Variants in RNF213 observed in about 807,000 individuals in gnomAD.
RNF213 encodes ring finger protein 213, also known as E3 ubiquitin-protein ligase RNF213.
Under a neutral mutation model 514.4 loss-of-function variants are expected in RNF213, and 341 were observed. That is an observed-to-expected ratio of 0.66 (90% confidence interval 0.61 to 0.73). RNF213 has a LOEUF of 0.73. Among genes scored for constraint, RNF213 ranks in the 30% least tolerant of loss-of-function variants. The pLI is 0.00. For synonymous variants in RNF213, 2,655 were observed against 2,658.2 expected, an observed-to-expected ratio of 1.00 and a Z score of 0.04; for missense variants, 5,767 against 6,615.6, an observed-to-expected ratio of 0.87 and a Z score of 4.45.
Position 80,295,566 on chromosome 17 carries a change from T to C in RNF213, c.1765T>C (p.Tyr589His), listed in dbSNP as rs1447875344. 3.7e-6 allele frequency: 6 copies of C among 1,614,034 alleles called. No homozygotes were observed. Among genetic ancestry groups the C allele is most frequent in the African/African-American group, 2.7e-5 (2 of 74,932 alleles). The change falls in exon 10 of 68, where the codon TAC becomes CAC. Residue 589 changes from tyrosine (Y) to histidine (H), a missense_variant. Transcript: ENST00000582970. ...LQYREKEVKR[Y>H]LWQHLKKHVV... Reference sequence around the variant, plus strand: ...CTTCTCCCACCATCAGGTGAAGAGATACCTGTGGCAACATCTGAAAAAACA... The same window carrying C: ...CTTCTCCCACCATCAGGTGAAGAGACACCTGTGGCAACATCTGAAAAAACA...
intron 36 of RNF213, among the ~76,000 whole-genome samples, chr17:80,356,988 T>C (rs1030271950): frequency 5.3e-5 from 8 of 151,986 alleles, no homozygotes; most frequent in African/African-American, 1.4e-4. Flanking sequence ...GGCGCGATTT[T>C]GGCTCACTGC....
chr17:80,328,109 A>G, intron 19 of RNF213, 120 bp downstream of exon 19: 2 of 1,250,870 alleles, frequency 1.6e-6, no homozygotes, highest in Non-Finnish European at 2.2e-6. Context: ...GATAATGAGT[A>G]TCTCTTCTTG....
chr17:80,349,756 T>G lies in RNF213; in HGVS notation c.9952-14T>G, dbSNP rs755445323. ...TGAAGTCTGGCAAGTAATTTGCATTTCTTAACTCTGTAGATCACCACTTTC... is the reference window on the plus strand; with the variant it reads ...TGAAGTCTGGCAAGTAATTTGCATTGCTTAACTCTGTAGATCACCACTTTC... On this transcript the variant is annotated splice_polypyrimidine_tract_variant and intron_variant, in intron 29 of 67. Transcript: ENST00000582970. The G allele has an allele frequency of 1.2e-6, 2 of 1,614,046 alleles. No homozygotes were observed. The highest frequency in any genetic ancestry group is 1.1e-5 in the South Asian group (1 of 91,080).
At position 80,385,170 on chromosome 17, in the gene RNF213, A is replaced by G; in HGVS notation, c.14454A>G (p.Ser4818=). The G allele has an allele frequency of 6.2e-7, 1 of 1,614,140 alleles. No homozygotes were observed. Among genetic ancestry groups the G allele is most frequent in the Non-Finnish European group, 8.5e-7 (1 of 1,180,002 alleles). ...SIRGFLSKHS[S]DGLRQLLHNR... ...GAGGCTTCCTCAGCAAGCACAGCTC[A>G]GGTGTGGCTCTGCTCTGACAGGACC... The change falls in exon 60 of 68, where the codon TCA becomes TCG. Residue 4818 remains serine, a splice_region_variant and synonymous_variant. Coordinates refer to ENST00000582970, the MANE Select transcript of RNF213 (RefSeq NM_001256071.3).
In RNF213 at chr17:80,339,353, G is replaced by A; in HGVS notation, c.4986G>A (p.Glu1662=). The change falls in exon 26 of 68, where the codon GAG becomes GAA. Residue 1662 remains glutamate (E), a synonymous_variant. Transcript: ENST00000582970. ...ACTTTGGCTTGGACCTGGTGACGGAGCTTAAAGAAGGTGGAGATGTCACTG... is the reference window on the plus strand; with the variant it reads ...ACTTTGGCTTGGACCTGGTGACGGAACTTAAAGAAGGTGGAGATGTCACTG... The part of the protein sequence containing the change: ...QMDFGLDLVT[E]LKEGGDVTEL... The A allele has an allele frequency of 1.3e-6, 2 of 1,537,276 alleles. No homozygotes were observed. The highest frequency in any genetic ancestry group is 1.7e-6 in the Non-Finnish European group (2 of 1,146,916).
In RNF213 at chr17:80,353,667, G is replaced by A; in HGVS notation, c.10578+1G>A. ...AACCTCTGAACTCGGAGGCAGTGAT[G>A]TAAGTTCTGGTTCTTGGGACCTCCC... On this transcript the variant is annotated splice_donor_variant, in intron 34 of 67. Transcript: ENST00000582970. LOFTEE classifies it high-confidence loss of function. This position sits in a 1 kb window ranked among gnomAD's most constrained non-coding sequence, Gnocchi z 5.0. 1 of 1,614,218 alleles carries A rather than the reference G, an allele frequency of 6.2e-7. No homozygotes were observed. The highest frequency in any genetic ancestry group is 8.5e-7 in the Non-Finnish European group (1 of 1,180,044).
At chr17:80,313,667 GGAGGTA>G (rs2045666639) in intron 15 of RNF213, among the ~76,000 whole-genome samples, 2 of 150,834 alleles carry the variant, frequency 1.3e-5, no homozygotes, top group African/African-American at 4.9e-5. Flanking sequence ...AGGTGATGGT[GGAGGTA>G]ATGGAGGTGA....
At chr17:80,379,991 C>T (rs1056370871) in intron 55 of RNF213, among the ~76,000 whole-genome samples, 1 of 152,092 alleles carries the variant, frequency 6.6e-6, no homozygotes, top group Non-Finnish European at 1.5e-5. Flanking sequence ...CTTGGGTGCA[C>T]CTTCTGTAGA....
chr17:80,364,892 G>C, intron 42 of RNF213: 2 of 345,760 alleles, frequency 5.8e-6, no homozygotes, highest in South Asian at 4.9e-5. Flanking sequence ...CACTAGCCTG[G>C]CCATCTGTGG....
chr17:80,380,844 A>G lies in RNF213; in HGVS notation c.13654A>G (p.Arg4552Gly). 6.2e-7 allele frequency: 1 copy of G among 1,614,262 alleles called. No homozygotes were observed. The highest frequency in any genetic ancestry group is 8.5e-7 in the Non-Finnish European group (1 of 1,180,046). ...CGTTCTTTCCAGAGACAAGGCAGAC[A>G]GAACGCAGACCGGCCACGTGCTGGG... Reference protein sequence around the residue: ...GFHLVKDKADRTQTGHVLGNP... With the variant: ...GFHLVKDKADGTQTGHVLGNP... The change falls in exon 56 of 68, where the codon AGA becomes GGA. Residue 4552 changes from arginine to glycine, a missense_variant. By Grantham distance (125) the Arg-to-Gly change is moderately radical (BLOSUM62 -2). Transcript: ENST00000582970.
At chr17:80,319,467 G>A (rs926570634) in intron 17 of RNF213, 155 bp downstream of exon 17, 1 of 1,614,176 alleles carries the variant, frequency 6.2e-7, no homozygotes, top group Non-Finnish European at 8.5e-7. Context: ...AAGGGCAATG[G>A]CGCTGAAATC....
At chr17:80,311,444 T>G (rs2045568910) in intron 14 of RNF213, among the ~76,000 whole-genome samples, 3 of 152,166 alleles carry the variant, frequency 2.0e-5, no homozygotes, top group Admixed American at 2.0e-4. Context: ...GCTGTGCCAT[T>G]GGGGGGACCT....
In RNF213 at chr17:80,346,195, C is replaced by T. The variant is rs375141596; in HGVS notation, c.7860C>T (p.Cys2620=). 23 of 1,614,042 alleles carry T rather than the reference C, an allele frequency of 1.4e-5. No homozygotes were observed. Among genetic ancestry groups the T allele is most frequent in the African/African-American group, 2.7e-5 (2 of 74,920 alleles). The change falls in exon 29 of 68, where the codon TGC becomes TGT. Residue 2620 remains cysteine (C), a synonymous_variant. Transcript: ENST00000582970. The surrounding 1 kb of genome is among the most constrained non-coding windows in gnomAD (Gnocchi z 8.1). ...NGTRVITEVL[C]ASQGFMRKTE... ...CTCGCGTGATCACAGAAGTCCTCTG[C>T]GCCTCTCAGGGTTTCATGAGGAAAA...
intron 3 of RNF213, among the ~76,000 whole-genome samples, chr17:80,282,719 C>G: frequency 6.7e-6 from 1 of 149,070 alleles, no homozygotes; most frequent in Non-Finnish European, 1.5e-5. Flanking sequence ...TTTTTCAAGG[C>G]AGAGTGTTGC....
intron 16 of RNF213, among the ~76,000 whole-genome samples, chr17:80,318,714 C>T (rs1374163185): frequency 6.6e-6 from 1 of 152,120 alleles, no homozygotes; most frequent in African/African-American, 2.4e-5. Flanking sequence ...GCTGGGACTA[C>T]AGGCGCCCGC....
chr17:80,342,873 T>C (rs2078201588), intron 26 of RNF213, among the ~76,000 whole-genome samples: 1 of 151,540 alleles, frequency 6.6e-6, no homozygotes, highest in Non-Finnish European at 1.5e-5. Flanking sequence ...TGGTGCAATC[T>C]CAGCTCACTA....
At chr17:80,312,932 A>T in intron 14 of RNF213, 80 bp from the exon 15 acceptor site, 1 of 1,526,576 alleles carries the variant, frequency 6.6e-7, no homozygotes, top group African/African-American at 1.4e-5. Context: ...AGCAGGGAGG[A>T]GAGGAGGGGG....
intron 21 of RNF213, chr17:80,333,892 A>G (rs1279119242): frequency 3.5e-6 from 2 of 573,934 alleles, no homozygotes; most frequent in Non-Finnish European, 6.2e-6. Flanking sequence ...TCAGGTTCCC[A>G]GGAATCACAG....
rs117088701 is a variant in RNF213 at position 80,297,845 on chromosome 17, C to T, written c.2013-476C>T. On this transcript the variant is annotated intron_variant, in intron 10 of 67. Coordinates refer to ENST00000582970, the MANE Select transcript of RNF213 (RefSeq NM_001256071.3). ...TGTGGTGGTGCACCTGTAATTCCAG[C>T]ACTGGAGAGGCTGAGGCAGGAGGAT... Among the ~76,000 whole-genome samples, 1,498 of 150,534 alleles carry T rather than the reference C, an allele frequency of 1.0e-2. 14 individuals are homozygous for T. Among genetic ancestry groups the T allele is most frequent in the Non-Finnish European group, 0.013 (911 of 67,676 alleles).
Sources: gnomAD v4.1 joint callset for allele counts (sites outside exome capture counted in the v4.1 genomes callset) on GRCh38, gnomAD v4.1.1 for gene constraint, Gnocchi (gnomAD v3.1) non-coding constraint, MANE v1.5 for transcripts, NCBI Gene and HGNC (gene_info 2026-07-23, HGNC 2026-07-21) for gene names.